The following LMOD1 variants were observed in gnomAD, a reference collection of about 807,000 sequenced individuals.
The protein encoded by LMOD1 is leiomodin 1.
In LMOD1, 8 loss-of-function variants were observed where a neutral mutation model predicts 36.5. The ratio of observed to expected loss-of-function variants is 0.22; its 90% CI spans 0.13 to 0.40. The LOEUF (loss-of-function observed/expected upper bound fraction) is 0.40. Ranked by LOEUF, LMOD1 falls within the 10% of genes least tolerant of loss-of-function variation. The probability of loss-of-function intolerance (pLI) is 1.00; values close to 1 mark genes in which losing one functional copy is unlikely to be tolerated. For synonymous variants in LMOD1, 284 were observed against 288.7 expected, an observed-to-expected ratio of 0.98 and a Z score of 0.17; for missense variants, 630 against 751.1, an observed-to-expected ratio of 0.84 and a Z score of 1.88.
At chr1:201,931,457 C>G (rs1681918012) in intron 1 of LMOD1, among the ~76,000 whole-genome samples, 1 of 151,278 alleles carries the variant, frequency 6.6e-6, no homozygotes, top group African/African-American at 2.4e-5. Flanking sequence ...ATCGCTTGAC[C>G]CCAGGAAGCA....
intron 1 of LMOD1, among the ~76,000 whole-genome samples, chr1:201,918,243 C>T (rs148487074): frequency 2.0e-5 from 3 of 152,294 alleles, no homozygotes; most frequent in African/African-American, 7.2e-5. Context: ...TCCCACCTTC[C>T]TAACATAGCT....
At position 201,946,530 on chromosome 1, in the gene LMOD1, A is replaced by C. The variant is rs2819371; in HGVS notation, c.-190T>G. ...TTCACTGGACGCAGCAGCCTCCCTG[A>C]AGCCCAGGGCTAGTGGACCCCGGCT... On this transcript the variant is annotated 5_prime_UTR_variant, in exon 1 of 3. Coordinates refer to ENST00000367288, the MANE Select transcript of LMOD1 (RefSeq NM_012134.3). 610,072 of 624,980 alleles carry C rather than the reference A, an allele frequency of 0.98. 299,315 individuals are homozygous for C. Among genetic ancestry groups the C allele is most frequent in the East Asian group, 1 (36,053 of 36,054 alleles). The allele number at this position is 624,980 out of a possible 1,614,324, so 38.7% of individuals were successfully genotyped here.
intron 1 of LMOD1, among the ~76,000 whole-genome samples, chr1:201,926,766 C>T (rs138895589): frequency 1.9e-3 from 282 of 152,302 alleles, no homozygotes; most frequent in African/African-American, 6.5e-3. Flanking sequence ...ACTGTAATCC[C>T]AGCACTTTGG....
At chr1:201,939,216 T>C (rs1682073860) in intron 1 of LMOD1, among the ~76,000 whole-genome samples, 1 of 152,078 alleles carries the variant, frequency 6.6e-6, no homozygotes, top group Admixed American at 6.5e-5. Context: ...CTGAAGAGTT[T>C]AGAGTGAGGA....
chr1:201,904,231 A>T (rs1009090922), intron 1 of LMOD1, among the ~76,000 whole-genome samples: 67 of 151,430 alleles, frequency 4.4e-4, no homozygotes, highest in African/African-American at 1.6e-3. Context: ...TTTCTTTGAG[A>T]TGGAATTTCA....
intron 1 of LMOD1, among the ~76,000 whole-genome samples, chr1:201,909,269 G>T (rs1681455096): frequency 6.6e-6 from 1 of 152,196 alleles, no homozygotes; most frequent in African/African-American, 2.4e-5. Context: ...GGCGTAGCAT[G>T]CAGCCCCCTG....
At position 201,899,035 on chromosome 1, in the gene LMOD1, C is replaced by T. The variant is rs888120224; in HGVS notation, c.1776+202G>A. The T allele has an allele frequency of 1.6e-5, 8 of 491,648 alleles. No individual in the cohort carries two copies. Among genetic ancestry groups the T allele is most frequent in the African/African-American group, 1.5e-4 (8 of 52,296 alleles). 30.5% of individuals were successfully genotyped at this position (491,648 alleles called of 1,614,324 possible). ...GCTCCTTAAAGGAAGGGTAGAGTCT[C>T]AGCTCTAGGGGATATACAGGTGTGA... On this transcript the variant is annotated intron_variant, in intron 2 of 2. Transcript: ENST00000367288. This position sits in a 1 kb window ranked among gnomAD's most constrained non-coding sequence, Gnocchi z 6.3.
chr1:201,898,241 G>T lies in LMOD1; in HGVS notation c.*131C>A, dbSNP rs1482971364. 3 of 895,934 alleles carry T rather than the reference G, an allele frequency of 3.3e-6. No individual in the cohort carries two copies. The highest frequency in any genetic ancestry group is 2.7e-5 in the East Asian group (1 of 37,684). The allele number at this position is 895,934 out of a possible 1,614,324, so 55.5% of individuals were successfully genotyped here. On this transcript the variant is annotated 3_prime_UTR_variant, in exon 3 of 3. Coordinates refer to ENST00000367288, the MANE Select transcript of LMOD1 (RefSeq NM_012134.3). Reference sequence around the variant, plus strand: ...CTTCCTTGAGCGTGACCCAGGCCTGGACTCTCCCATGGCAGAATAGGGACA... The same window carrying T: ...CTTCCTTGAGCGTGACCCAGGCCTGTACTCTCCCATGGCAGAATAGGGACA...
chr1:201,912,797 T>C (rs1681537063), intron 1 of LMOD1, among the ~76,000 whole-genome samples: 1 of 152,114 alleles, frequency 6.6e-6, no homozygotes, highest in Admixed American at 6.5e-5. Context: ...AGGCAGAGGT[T>C]GCAGTGAGCC....
intron 1 of LMOD1, among the ~76,000 whole-genome samples, chr1:201,942,701 A>G (rs1682139324): frequency 1.3e-5 from 2 of 151,630 alleles, no homozygotes; most frequent in South Asian, 4.2e-4. Context: ...TTTATTATGA[A>G]AATTTTCGAA....
At chr1:201,943,858 A>C (rs916444114) in intron 1 of LMOD1, among the ~76,000 whole-genome samples, 1 of 152,176 alleles carries the variant, frequency 6.6e-6, no homozygotes, top group African/African-American at 2.4e-5. Flanking sequence ...AGATTAGGTA[A>C]CTTGTGACTT....
At chr1:201,911,819 G>A (rs1026369229) in intron 1 of LMOD1, among the ~76,000 whole-genome samples, 1 of 152,146 alleles carries the variant, frequency 6.6e-6, no homozygotes, top group Non-Finnish European at 1.5e-5. Context: ...AAATGAAAAG[G>A]CCTGTGCTTA....
chr1:201,929,092 G>A (rs2819355), intron 1 of LMOD1, among the ~76,000 whole-genome samples: 138,588 of 148,238 alleles, frequency 0.93, 64,540 homozygotes, highest in Non-Finnish European at 0.99. Flanking sequence ...TTATTTATTT[G>A]TTTATTTATT....
At chr1:201,908,490 A>C (rs979218458) in intron 1 of LMOD1, among the ~76,000 whole-genome samples, 1 of 152,042 alleles carries the variant, frequency 6.6e-6, no homozygotes, top group Non-Finnish European at 1.5e-5. Flanking sequence ...ATACACAAAA[A>C]CCCAAACAGA....
chr1:201,899,385 G>A lies in LMOD1; in HGVS notation c.1628C>T (p.Pro543Leu), dbSNP rs1347028693. The change falls in exon 2 of 3, where the codon CCA becomes CTA. Residue 543 changes from proline to leucine, a missense_variant. Physicochemically the swap from Pro to Leu is moderately conservative, Grantham distance 98. Around this residue, in one of 3 missense-constraint regions of LMOD1, gnomAD observed 144 missense variants for 169.8 expected, o/e 0.85. Coordinates refer to ENST00000367288, the MANE Select transcript of LMOD1 (RefSeq NM_012134.3). This position sits in a 1 kb window ranked among gnomAD's most constrained non-coding sequence, Gnocchi z 6.3. ...APPPPPPPLA[P>L]PLIMENLKNS... ...CTTCAGGTTCTCCATGATAAGGGGTGGAGCCAAGGGAGGGGGAGGGGGTGG... is the reference window on the plus strand; with the variant it reads ...CTTCAGGTTCTCCATGATAAGGGGTAGAGCCAAGGGAGGGGGAGGGGGTGG... The A allele has an allele frequency of 6.2e-7, 1 of 1,612,962 alleles. No homozygotes were observed. The highest frequency in any genetic ancestry group is 2.2e-5 in the East Asian group (1 of 44,826).
Position 201,899,548 on chromosome 1 carries a change from T to C in LMOD1, c.1465A>G (p.Lys489Glu), listed in dbSNP as rs1196519005. Residue 489 changes from lysine (K) to glutamate (E), a missense_variant, in exon 2 of 3, where the codon AAG (lysine) becomes GAG (glutamate). Physicochemically the swap from Lys to Glu is moderately conservative, Grantham distance 56 (BLOSUM62 1). Coordinates refer to ENST00000367288, the MANE Select transcript of LMOD1 (RefSeq NM_012134.3). The surrounding 1 kb of genome is among the most constrained non-coding windows in gnomAD (Gnocchi z 6.3). ...TCCAGCAGATCCTTCTTCTCTCCCT[T>C]GGCTTCCTGTGCCTGCCTTTGCTCC... ...LQEQRQAQEA[K>E]GEKKDLLEVP... The C allele has an allele frequency of 6.2e-7, 1 of 1,613,840 alleles. No individual in the cohort carries two copies. The highest frequency in any genetic ancestry group is 8.5e-7 in the Non-Finnish European group (1 of 1,179,822).
At chr1:201,901,600 A>G (rs1219810495) in intron 1 of LMOD1, among the ~76,000 whole-genome samples, 11 of 46,842 alleles carry the variant, frequency 2.3e-4, no homozygotes, top group African/African-American at 4.9e-4. Flanking sequence ...ATATATGTAT[A>G]TATATATATA....
At chr1:201,924,942 T>C in intron 1 of LMOD1, among the ~76,000 whole-genome samples, 1 of 152,074 alleles carries the variant, frequency 6.6e-6, no homozygotes, top group Admixed American at 6.5e-5. Context: ...CGGCTGAGCG[T>C]GGTGGCTCAT....
intron 1 of LMOD1, among the ~76,000 whole-genome samples, chr1:201,914,003 G>GAAGCA (rs1681556934): frequency 6.6e-6 from 1 of 152,066 alleles, no homozygotes; most frequent in Non-Finnish European, 1.5e-5. Context: ...CAACTCTTTG[G>GAAGCA]GAGTGTAGAT....
Sources: allele counts gnomAD v4.1 joint callset (sites outside exome capture counted in the v4.1 genomes callset), GRCh38; gene constraint gnomAD v4.1.1; regional missense constraint gnomAD v4.1.1; non-coding constraint Gnocchi (gnomAD v3.1); transcripts MANE v1.5; gene names NCBI Gene and HGNC (gene_info 2026-07-23, HGNC 2026-07-21).